The following EDEM2 variants were observed in gnomAD, a reference collection of about 807,000 sequenced individuals.
The protein encoded by EDEM2 is ER degradation enhancing alpha-mannosidase like protein 2, also known as ER degradation-enhancing alpha-mannosidase-like protein 2.
A neutral mutation model predicts 64.8 loss-of-function variants in EDEM2; 39 were observed. The observed-to-expected ratio is 0.60, with a 90% CI of 0.47 to 0.79. EDEM2 has a LOEUF of 0.79. Among genes scored for constraint, EDEM2 ranks in the 30% least tolerant of loss-of-function variants. EDEM2 has a pLI of 0.00. For missense variants in EDEM2, 609 were observed against 731.3 expected (o/e 0.83, Z 1.93); for synonymous variants, 296 against 291.5 (o/e 1.02, Z -0.16).
At chr20:35,130,368 C>A (rs1378833325) in intron 7 of EDEM2, among the ~76,000 whole-genome samples, 1 of 151,890 alleles carries the variant, frequency 6.6e-6, no homozygotes, top group African/African-American at 2.4e-5. Context: ...CTGTGCCTAG[C>A]CGAAAAAGTT....
intron 6 of EDEM2, among the ~76,000 whole-genome samples, chr20:35,132,481 C>T (rs2085518144): frequency 6.6e-6 from 1 of 151,872 alleles, no homozygotes; most frequent in Non-Finnish European, 1.5e-5. Context: ...TGGTAAAACC[C>T]TGTCTCTAAT....
At chr20:35,124,552 A>C (rs2085408178) in intron 8 of EDEM2, among the ~76,000 whole-genome samples, 1 of 151,784 alleles carries the variant, frequency 6.6e-6, no homozygotes, top group Admixed American at 6.6e-5. Context: ...TTTTCTGTAG[A>C]GATGGGGGTC....
intron 10 of EDEM2, among the ~76,000 whole-genome samples, chr20:35,118,260 A>G (rs2085330480): frequency 6.6e-6 from 1 of 152,156 alleles, no homozygotes; most frequent in African/African-American, 2.4e-5. Flanking sequence ...CTTAAAATCT[A>G]TTTTAGTGTC....
chr20:35,133,280 C>A (rs1447600988), intron 6 of EDEM2, among the ~76,000 whole-genome samples: 1 of 151,994 alleles, frequency 6.6e-6, no homozygotes, highest in East Asian at 1.9e-4. Context: ...TGGCTCCAGG[C>A]ACCAGAGGAG....
At chr20:35,135,536 G>T (rs1270342345) in intron 5 of EDEM2, among the ~76,000 whole-genome samples, 1 of 152,128 alleles carries the variant, frequency 6.6e-6, no homozygotes. Context: ...CTGTAATTCT[G>T]GCTATCTGGG....
At chr20:35,116,195 G>A (rs901796328) in intron 10 of EDEM2, among the ~76,000 whole-genome samples, 1 of 152,024 alleles carries the variant, frequency 6.6e-6, no homozygotes, top group African/African-American at 2.4e-5. Flanking sequence ...ATAGGGACAG[G>A]GTCTCACACC....
At chr20:35,144,795 A>G (rs1334331180) in intron 3 of EDEM2, among the ~76,000 whole-genome samples, 184 bp downstream of exon 3, 3 of 152,234 alleles carry the variant, frequency 2.0e-5, no homozygotes, top group African/African-American at 7.2e-5. Context: ...ATGAATCTGC[A>G]TAAGTTGTAG....
intron 4 of EDEM2, 91 bp from the exon 5 acceptor site, chr20:35,138,096 C>T: frequency 1.3e-6 from 2 of 1,526,034 alleles, no homozygotes; most frequent in Non-Finnish European, 1.8e-6. Flanking sequence ...AACATAAACA[C>T]TCTATTGTGG....
chr20:35,121,356 G>T (rs546109525), intron 9 of EDEM2, among the ~76,000 whole-genome samples: 2 of 152,138 alleles, frequency 1.3e-5, no homozygotes, highest in Non-Finnish European at 2.9e-5. Context: ...TCACAATAGG[G>T]TTTGTGCTCC....
rs370537963 is a variant in EDEM2, at chr20:35,134,729, C to T, written c.702+9G>A. The T allele has an allele frequency of 8.7e-5, 141 of 1,612,128 alleles. No individual in the cohort carries two copies. Among genetic ancestry groups the T allele is most frequent in the South Asian group, 6.6e-4 (60 of 90,992 alleles). The stretch of plus-strand genomic sequence containing the variant: ...GGGACTCAAACAGGAAGGGCAGCAG[C>T]GAACCTACCAGCCCGATATCTGACC... On this transcript the variant is annotated intron_variant, in intron 6 of 10. Coordinates refer to ENST00000374492, the MANE Select transcript of EDEM2 (RefSeq NM_018217.3).
chr20:35,117,982 C>T (rs2146084860), intron 10 of EDEM2, among the ~76,000 whole-genome samples: 1 of 152,264 alleles, frequency 6.6e-6, no homozygotes, highest in African/African-American at 2.4e-5. Flanking sequence ...CTAGCCCCTG[C>T]CTACCTCTGG....
At chr20:35,121,087 T>C (rs2378333) in intron 9 of EDEM2, among the ~76,000 whole-genome samples, 1 of 152,126 alleles carries the variant, frequency 6.6e-6, no homozygotes, top group African/African-American at 2.4e-5. Context: ...AATTTTTCCA[T>C]GAACTGGGCT....
chr20:35,139,133 G>A (rs902015442), intron 4 of EDEM2, among the ~76,000 whole-genome samples: 11 of 151,240 alleles, frequency 7.3e-5, no homozygotes, highest in Admixed American at 4.0e-4. Flanking sequence ...TGGAGATCAC[G>A]AGGTCAGGAG....
chr20:35,120,259 C>T (rs2085352805), intron 9 of EDEM2, among the ~76,000 whole-genome samples: 1 of 152,146 alleles, frequency 6.6e-6, no homozygotes, highest in Admixed American at 6.5e-5. Flanking sequence ...GACAGGGTTT[C>T]GCCATGTTGG....
In EDEM2 at chr20:35,115,784, C is replaced by T. The variant is rs751989257; in HGVS notation, c.1386G>A (p.Gly462=). The change falls in exon 11 of 11, where the codon GGG becomes GGA. Residue 462 remains glycine, a synonymous_variant. Coordinates refer to ENST00000374492, the MANE Select transcript of EDEM2 (RefSeq NM_018217.3). ...ACCCCCCAGCCCCCAGGATGCACTC[C>T]CCATAGGGGGTGATCACCGCGTCGA... is the stretch of plus-strand genomic sequence containing the variant. The part of the protein sequence containing the change: ...STFDAVITPY[G]ECILGAGGYI... 2 of 1,614,132 alleles carry T rather than the reference C, an allele frequency of 1.2e-6. No individual in the cohort carries two copies. The highest frequency in any genetic ancestry group is 2.7e-5 in the African/African-American group (2 of 75,020).
chr20:35,142,557 T>C (rs2085671575), intron 3 of EDEM2, 79 bp from the exon 4 acceptor site: 1 of 1,077,070 alleles, frequency 9.3e-7, no homozygotes, highest in African/African-American at 1.6e-5. Context: ...CCTATGTTGA[T>C]GTGGCCCTCA....
chr20:35,137,957 A>C lies in EDEM2; in HGVS notation c.413T>G (p.Val138Gly). The C allele has an allele frequency of 1.2e-6, 2 of 1,614,034 alleles. No homozygotes were observed. The highest frequency in any genetic ancestry group is 1.7e-6 in the Non-Finnish European group (2 of 1,180,014). The stretch of plus-strand genomic sequence containing the variant: ...ACAGGGCCATCCAGCCTCTACTTCC[A>C]CCCCAGCCTTCTTGGAGAGCAGATG... The part of the protein sequence containing the change: ...SAHLLSKKAG[V>G]EVEAGWPCSG... The change falls in exon 5 of 11, where the codon GTG becomes GGG. Residue 138 changes from valine to glycine, a missense_variant. Val to Gly is a moderately radical substitution (Grantham distance 109). Transcript: ENST00000374492.
At chr20:35,135,204 CCA>C (rs1435651975) in intron 5 of EDEM2, among the ~76,000 whole-genome samples, 1 of 152,160 alleles carries the variant, frequency 6.6e-6, no homozygotes, top group Admixed American at 6.6e-5. Context: ...AGGCTGTGCT[CCA>C]CACACACTCG....
At chr20:35,141,817 G>A (rs1184690339) in intron 4 of EDEM2, among the ~76,000 whole-genome samples, 1 of 151,956 alleles carries the variant, frequency 6.6e-6, no homozygotes, top group Non-Finnish European at 1.5e-5. Flanking sequence ...GGGCTGCCAA[G>A]TTTGGAAGAT....
Sources: gnomAD v4.1 joint callset for allele counts (sites outside exome capture counted in the v4.1 genomes callset) on GRCh38, gnomAD v4.1.1 for gene constraint, MANE v1.5 for transcripts, NCBI Gene and HGNC (gene_info 2026-07-23, HGNC 2026-07-21) for gene names.